The following LRRC4C variants were observed in gnomAD, a reference collection of about 807,000 sequenced individuals.
LRRC4C encodes leucine rich repeat containing 4C.
LRRC4C carries 5 observed loss-of-function variants against 33.6 expected under a neutral mutation model. That is an observed-to-expected ratio of 0.15 (90% CI 0.08 to 0.31). The LOEUF is 0.31. Ranked by LOEUF, LRRC4C falls within the 10% of genes least tolerant of loss-of-function variation. LRRC4C has a pLI of 1.00. For synonymous variants in LRRC4C, 329 were observed against 302.0 expected, an observed-to-expected ratio of 1.09 and a Z score of -0.93; for missense variants, 560 against 796.7, an observed-to-expected ratio of 0.70 and a Z score of 3.58.
In LRRC4C at chr11:41,358,160, C is replaced by G. The variant is rs553026636; in HGVS notation, c.-496+101271G>C. Among the ~76,000 whole-genome samples, 6 of 152,148 alleles carry G rather than the reference C, an allele frequency of 3.9e-5. No homozygotes were observed. In the South Asian group the frequency reaches 1.2e-3, roughly 32 times the overall value. On this transcript the variant is annotated intron_variant, in intron 1 of 6. Coordinates refer to ENST00000528697, the MANE Select transcript of LRRC4C (RefSeq NM_001258419.2). ...AGGCATACCAAAGGAGAAAATACAG[C>G]TTTTTGAAATGATGCTCAAACAATA... is the stretch of plus-strand genomic sequence containing the variant.
chr11:40,388,430 G>T (rs540425522), intron 3 of LRRC4C, among the ~76,000 whole-genome samples: 1 of 152,150 alleles, frequency 6.6e-6, no homozygotes, highest in Admixed American at 6.5e-5. Flanking sequence ...AGACATTCAG[G>T]TTGCGCTTGG....
chr11:40,572,273 G>C (rs139791287), intron 3 of LRRC4C, among the ~76,000 whole-genome samples: 1 of 152,282 alleles, frequency 6.6e-6, no homozygotes, highest in East Asian at 1.9e-4. Flanking sequence ...TAGATACTAA[G>C]GTCCAGACCC....
chr11:40,890,308 T>C (rs1480516924), intron 2 of LRRC4C, among the ~76,000 whole-genome samples: 1 of 152,176 alleles, frequency 6.6e-6, no homozygotes, highest in African/African-American at 2.4e-5. Flanking sequence ...AGGGCTTTCT[T>C]GCTAGTGGAA....
At chr11:40,765,739 A>C (rs771412514) in intron 2 of LRRC4C, among the ~76,000 whole-genome samples, 9 of 151,990 alleles carry the variant, frequency 5.9e-5, no homozygotes, top group Non-Finnish European at 1.3e-4. Flanking sequence ...AGAAGAAAGA[A>C]CTGCTGATCT....
At chr11:41,394,769 TTTGA>T (rs1480458729) in intron 1 of LRRC4C, 45 of 152,122 alleles carry the variant, frequency 3.0e-4, no homozygotes, top group African/African-American at 9.6e-4. Context: ...CTTTTTACTC[TTTGA>T]TTGGCACCAG....
At position 40,822,219 on chromosome 11, in the gene LRRC4C, T is replaced by C. The variant is rs573273285; in HGVS notation, c.-407+111416A>G. ...CCTCCAAGAGATTGACTTTTTTAGTTCCTACATGTGAATGAGTGAGAACAT... is the reference window on the plus strand; with the variant it reads ...CCTCCAAGAGATTGACTTTTTTAGTCCCTACATGTGAATGAGTGAGAACAT... On this transcript the variant is annotated intron_variant, in intron 2 of 6. Transcript: ENST00000528697. Among the ~76,000 whole-genome samples, 525 of 151,844 alleles carry C rather than the reference T, an allele frequency of 3.5e-3. 5 individuals are homozygous for C. The highest frequency in any genetic ancestry group is 0.012 in the African/African-American group (503 of 41,506).
chr11:41,403,220 T>G (rs1954092363), intron 1 of LRRC4C, among the ~76,000 whole-genome samples: 1 of 152,052 alleles, frequency 6.6e-6, no homozygotes, highest in African/African-American at 2.4e-5. Context: ...ACATGGAAAA[T>G]TATTTAAGTA....
intron 3 of LRRC4C, among the ~76,000 whole-genome samples, chr11:40,519,809 G>A (rs922661188): frequency 1.3e-5 from 2 of 152,126 alleles, no homozygotes; most frequent in South Asian, 2.1e-4. Flanking sequence ...AGATTACTTC[G>A]AAAACATAAA....
chr11:41,408,395 T>C (rs1565649611), intron 1 of LRRC4C, among the ~76,000 whole-genome samples: 1 of 152,186 alleles, frequency 6.6e-6, no homozygotes, highest in Non-Finnish European at 1.5e-5. Flanking sequence ...TTGATTCACT[T>C]GTCCATACTC....
chr11:41,303,550 C>T (rs1323108030), intron 1 of LRRC4C, among the ~76,000 whole-genome samples: 26 of 91,156 alleles, frequency 2.9e-4, no homozygotes, highest in African/African-American at 1.0e-3. Flanking sequence ...GGCCGCCCAT[C>T]GTCTGGGATG....
intron 1 of LRRC4C, among the ~76,000 whole-genome samples, chr11:41,415,595 G>A (rs916484786): frequency 2.0e-5 from 3 of 152,088 alleles, no homozygotes; most frequent in African/African-American, 7.2e-5. Flanking sequence ...AGAGTACTGT[G>A]TGTCCCCAAC....
chr11:40,369,773 G>A lies in LRRC4C; in HGVS notation c.-269-50052C>T, dbSNP rs191920974. The stretch of plus-strand genomic sequence containing the variant: ...CTAGATTGAGCTAATTAATACATGT[G>A]GTACCTGACATGTCATTTTTTGTGT... On this transcript the variant is annotated intron_variant, in intron 3 of 6. Transcript: ENST00000528697. Among the ~76,000 whole-genome samples, 5 of 152,180 alleles carry A rather than the reference G, an allele frequency of 3.3e-5. No homozygotes were observed. In the East Asian group the frequency reaches 9.7e-4, roughly 29 times the overall value.
chr11:41,226,285 A>T (rs187070342), intron 1 of LRRC4C, among the ~76,000 whole-genome samples: 1 of 152,296 alleles, frequency 6.6e-6, no homozygotes, highest in Non-Finnish European at 1.5e-5. Flanking sequence ...TCTTCTTTAG[A>T]AAAGGAGAAT....
chr11:40,828,699 G>C (rs1283755488), intron 2 of LRRC4C, among the ~76,000 whole-genome samples: 1 of 151,600 alleles, frequency 6.6e-6, no homozygotes, highest in African/African-American at 2.4e-5. Flanking sequence ...TCCTTGTCTA[G>C]CCTAGATCAA....
intron 6 of LRRC4C, among the ~76,000 whole-genome samples, chr11:40,118,234 T>C (rs1328816026): frequency 6.7e-6 from 1 of 148,676 alleles, no homozygotes; most frequent in Non-Finnish European, 1.5e-5. Context: ...TTACTTATAT[T>C]AAAATATTAA....
At position 41,347,920 on chromosome 11, in the gene LRRC4C, CAAGGAAAATGA is replaced by C. The variant is rs1259105360; in HGVS notation, c.-496+111500_-496+111510del. ...TATTTACAGATGATGAAAATGAAGC[CAAGGAAAATGA>C]AGTGTTCTTCCCAAGGACATAAGAG... is the stretch of plus-strand genomic sequence containing the variant. On this transcript the variant is annotated intron_variant, in intron 1 of 6. Coordinates refer to ENST00000528697, the MANE Select transcript of LRRC4C (RefSeq NM_001258419.2). Among the ~76,000 whole-genome samples, 3 of 152,210 alleles carry C rather than the reference CAAGGAAAATGA, an allele frequency of 2.0e-5. No individual in the cohort carries two copies. The East Asian group carries it at 5.8e-4, about 29-fold the overall frequency.
chr11:41,084,311 A>G (rs1429822304), intron 1 of LRRC4C, among the ~76,000 whole-genome samples: 2 of 152,170 alleles, frequency 1.3e-5, no homozygotes, highest in Non-Finnish European at 2.9e-5. Flanking sequence ...ATCTTGGGCA[A>G]ATTACTTAAT....
chr11:40,406,853 A>G (rs1949981581), intron 3 of LRRC4C, among the ~76,000 whole-genome samples: 1 of 152,140 alleles, frequency 6.6e-6, no homozygotes, highest in Non-Finnish European at 1.5e-5. Context: ...GCAAGGAAAT[A>G]TGAAATACTG....
intron 2 of LRRC4C, among the ~76,000 whole-genome samples, chr11:40,834,647 C>T (rs915953615): frequency 2.0e-5 from 3 of 151,936 alleles, no homozygotes; most frequent in South Asian, 2.1e-4. Flanking sequence ...TCTTTCATCC[C>T]ATACACCATG....
Sources: allele counts gnomAD v4.1 joint callset (sites outside exome capture counted in the v4.1 genomes callset), GRCh38; gene constraint gnomAD v4.1.1; transcripts MANE v1.5; gene names NCBI Gene and HGNC (gene_info 2026-07-23, HGNC 2026-07-21).